Variants in UTRN observed in about 807,000 individuals in gnomAD.
The protein encoded by UTRN is dystrophin-related protein 1.
A neutral mutation model predicts 463.9 loss-of-function variants in UTRN; 283 were observed. The observed-to-expected ratio is 0.61, with a 90% CI of 0.55 to 0.67. The LOEUF (loss-of-function observed/expected upper bound fraction) is 0.67. UTRN is among the 30% of genes least tolerant of loss of function. The pLI, the probability that UTRN is intolerant of heterozygous loss-of-function variation, is 0.00. For synonymous variants in UTRN, 1,442 were observed against 1,431.5 expected, an observed-to-expected ratio of 1.01 and a Z score of -0.17; for missense variants, 3,922 against 4,084.3, an observed-to-expected ratio of 0.96 and a Z score of 1.08.
At position 144,451,479 on chromosome 6, in the gene UTRN, A is replaced by T; in HGVS notation, c.2182A>T (p.Lys728Ter). The change falls in exon 18 of 75, where the codon AAA becomes TAA. Residue 728 changes from lysine to a stop codon, truncating the protein, a stop_gained. Coordinates refer to ENST00000367545, the MANE Select transcript of UTRN (RefSeq NM_007124.3). LOFTEE classifies it high-confidence loss of function. Reference sequence around the variant, plus strand: ...GAAGATGCAAGACACTTCCGAAATGAAAAAGAAGTTGAAGGTAAAAAACAT... The same window carrying T: ...GAAGATGCAAGACACTTCCGAAATGTAAAAGAAGTTGAAGGTAAAAAACAT... ...YMKMQDTSEM[K>*]KKLKALEKEQ... 2 of 1,610,140 alleles carry T rather than the reference A, an allele frequency of 1.2e-6. No individual in the cohort carries two copies. Among genetic ancestry groups the T allele is most frequent in the Non-Finnish European group, 1.7e-6 (2 of 1,179,028 alleles).
chr6:144,536,182 A>T (rs1291056768), intron 43 of UTRN, among the ~76,000 whole-genome samples: 1 of 152,194 alleles, frequency 6.6e-6, no homozygotes, highest in African/African-American at 2.4e-5. Flanking sequence ...TATTTAGCTA[A>T]TTTGCAGATG....
chr6:144,548,501 G>A, intron 46 of UTRN, 139 bp from the exon 47 acceptor site: 1 of 726,234 alleles, frequency 1.4e-6, no homozygotes, highest in Non-Finnish European at 2.2e-6. Context: ...AGCCATTTCA[G>A]TATGAAAAAA....
At chr6:144,628,193 T>C (rs1365249825) in intron 51 of UTRN, among the ~76,000 whole-genome samples, 1 of 152,224 alleles carries the variant, frequency 6.6e-6, no homozygotes, top group African/African-American at 2.4e-5. Flanking sequence ...ACTTCTTGGC[T>C]ATTGTGAATA....
At position 144,829,230 on chromosome 6, in the gene UTRN, A is replaced by G. The variant is rs149841573; in HGVS notation, c.9665+375A>G. On this transcript the variant is annotated intron_variant, in intron 69 of 74. Transcript: ENST00000367545. ...CTTTCTGTGAAATCCTCTTTCTTCCACTAGCTAACATTTTTTCCATAATAT... is the reference window on the plus strand; with the variant it reads ...CTTTCTGTGAAATCCTCTTTCTTCCGCTAGCTAACATTTTTTCCATAATAT... 4.6e-5 allele frequency among the ~76,000 whole-genome samples: 7 copies of G among 152,144 alleles called. No homozygotes were observed. In the East Asian group the frequency reaches 1.4e-3, roughly 29 times the overall value.
At chr6:144,681,051 T>G (rs969257163) in intron 52 of UTRN, among the ~76,000 whole-genome samples, 1 of 152,108 alleles carries the variant, frequency 6.6e-6, no homozygotes, top group African/African-American at 2.4e-5. Context: ...GGAGGATGCC[T>G]CGGATGAGCC....
chr6:144,522,922 A>G lies in UTRN; in HGVS notation c.5734-94A>G, dbSNP rs894784297. On this transcript the variant is annotated intron_variant, in intron 40 of 74. Coordinates refer to ENST00000367545, the MANE Select transcript of UTRN (RefSeq NM_007124.3). The stretch of plus-strand genomic sequence containing the variant: ...ATGATTATGTCTCATTATTATTTCA[A>G]ATGAGTGTTCTACAATATAAATATC... The G allele has an allele frequency of 1.7e-5, 17 of 1,002,798 alleles. No homozygotes were observed. In the Admixed American group the frequency reaches 2.2e-4, roughly 13 times the overall value. The allele number at this position is 1,002,798 out of a possible 1,614,324, so 62.1% of individuals were successfully genotyped here.
intron 53 of UTRN, among the ~76,000 whole-genome samples, chr6:144,704,830 C>T (rs1586122111): frequency 1.3e-5 from 2 of 151,954 alleles, no homozygotes; most frequent in South Asian, 4.2e-4. Context: ...GGTGTGGTGA[C>T]GTGCGCCTGT....
At chr6:144,518,933 A>T (rs1018740218) in intron 39 of UTRN, among the ~76,000 whole-genome samples, 2 of 152,152 alleles carry the variant, frequency 1.3e-5, no homozygotes, top group Admixed American at 6.5e-5. Context: ...ACAGTGCCCA[A>T]ATCTAATTCC....
intron 27 of UTRN, among the ~76,000 whole-genome samples, chr6:144,484,979 A>G (rs1179702270): frequency 6.6e-6 from 1 of 151,716 alleles, no homozygotes; most frequent in Non-Finnish European, 1.5e-5. Context: ...CAGTGGTGCA[A>G]TCTCAGCTCA....
At chr6:144,732,265 T>TATATATATATACAC (rs1788724291) in intron 54 of UTRN, among the ~76,000 whole-genome samples, 1 of 78,420 alleles carries the variant, frequency 1.3e-5, no homozygotes, top group Admixed American at 1.3e-4. Context: ...TATACACACA[T>TATATATATATACAC]ATATATATAT....
At chr6:144,475,325 A>G (rs1791078986) in intron 25 of UTRN, among the ~76,000 whole-genome samples, 1 of 152,224 alleles carries the variant, frequency 6.6e-6, no homozygotes, top group Admixed American at 6.5e-5. Flanking sequence ...TCAGATAAGA[A>G]CATTCAGGCG....
chr6:144,360,297 C>T (rs1778965397), intron 2 of UTRN, among the ~76,000 whole-genome samples: 2 of 151,900 alleles, frequency 1.3e-5, no homozygotes, highest in Middle Eastern at 3.4e-3. Flanking sequence ...CTCAGCCTCC[C>T]GAGTAGCTGG....
intron 65 of UTRN, among the ~76,000 whole-genome samples, chr6:144,818,179 A>G (rs960354580): frequency 1.3e-5 from 2 of 152,234 alleles, no homozygotes; most frequent in South Asian, 4.1e-4. Flanking sequence ...GTCATAAAAG[A>G]CCATATATTA....
intron 51 of UTRN, among the ~76,000 whole-genome samples, chr6:144,673,860 T>G (rs913282518): frequency 7.9e-5 from 12 of 152,120 alleles, no homozygotes; most frequent in African/African-American, 2.9e-4. Context: ...TCTCTCAGCA[T>G]TTATTCATCT....
intron 54 of UTRN, among the ~76,000 whole-genome samples, chr6:144,747,739 T>A (rs1178989701): frequency 1.3e-5 from 2 of 152,210 alleles, no homozygotes; most frequent in African/African-American, 4.8e-5. Context: ...CTTAGAGAGA[T>A]GATCACTATC....
At chr6:144,422,782 G>A (rs1240635937) in intron 4 of UTRN, among the ~76,000 whole-genome samples, 1 of 152,174 alleles carries the variant, frequency 6.6e-6, no homozygotes, top group Non-Finnish European at 1.5e-5. Flanking sequence ...GCATGTATGG[G>A]TACAAATGTT....
chr6:144,308,383 G>A lies in UTRN; in HGVS notation c.79+16476G>A, dbSNP rs114095801. On this transcript the variant is annotated intron_variant, in intron 2 of 74. Coordinates refer to ENST00000367545, the MANE Select transcript of UTRN (RefSeq NM_007124.3). Reference sequence around the variant, plus strand: ...ACTAGCATGGCTCACTGCAACCTCCGCCTCCTGGGCTCCAGCAATCCTCCC... The same window carrying A: ...ACTAGCATGGCTCACTGCAACCTCCACCTCCTGGGCTCCAGCAATCCTCCC... 6.5e-3 allele frequency among the ~76,000 whole-genome samples: 985 copies of A among 152,202 alleles called. 8 individuals are homozygous for A. The highest frequency in any genetic ancestry group is 0.023 in the African/African-American group (946 of 41,518).
chr6:144,714,072 A>G (rs1455386887), intron 53 of UTRN, among the ~76,000 whole-genome samples: 1 of 152,226 alleles, frequency 6.6e-6, no homozygotes, highest in African/African-American at 2.4e-5. Flanking sequence ...TGAATTTTGT[A>G]TATTAACTGC....
intron 51 of UTRN, among the ~76,000 whole-genome samples, chr6:144,595,682 A>G (rs1803571064): frequency 6.6e-6 from 1 of 152,212 alleles, no homozygotes; most frequent in African/African-American, 2.4e-5. Context: ...TATTCAATCC[A>G]GAATTAGGGC....
Sources: gnomAD v4.1 joint callset for allele counts (sites outside exome capture counted in the v4.1 genomes callset) on GRCh38, gnomAD v4.1.1 for gene constraint, MANE v1.5 for transcripts, NCBI Gene and HGNC (gene_info 2026-07-23, HGNC 2026-07-21) for gene names.